The following OGFOD3 variants were observed in gnomAD, a reference collection of about 807,000 sequenced individuals.
OGFOD3 encodes 2-oxoglutarate and iron-dependent oxygenase domain-containing protein 3.
A neutral mutation model predicts 39.8 loss-of-function variants in OGFOD3; 35 were observed. That is an observed-to-expected ratio of 0.88 (90% CI 0.67 to 1.17). The LOEUF is 1.17. Ranked by LOEUF, OGFOD3 falls within the 50% of genes most tolerant of loss-of-function variation. The pLI, the probability that OGFOD3 is intolerant of heterozygous loss-of-function variation, is 0.00. For synonymous variants in OGFOD3, 200 were observed against 192.0 expected, an observed-to-expected ratio of 1.04 and a Z score of -0.34; for missense variants, 438 against 454.5, an observed-to-expected ratio of 0.96 and a Z score of 0.33.
At chr17:82,397,637 C>T (rs956239480) in intron 8 of OGFOD3, among the ~76,000 whole-genome samples, 33 of 152,082 alleles carry the variant, frequency 2.2e-4, no homozygotes, top group Non-Finnish European at 4.4e-4. Flanking sequence ...GATGACTGTC[C>T]GCTCGGCAAA....
chr17:82,396,231 T>C (rs112489612), intron 8 of OGFOD3, among the ~76,000 whole-genome samples: 2 of 140,788 alleles, frequency 1.4e-5, no homozygotes, highest in East Asian at 2.0e-4. Context: ...GGTAAACACA[T>C]AGATACACAC....
intron 3 of OGFOD3, among the ~76,000 whole-genome samples, chr17:82,411,206 C>G (rs1020067755): frequency 6.6e-6 from 1 of 151,284 alleles, no homozygotes; most frequent in African/African-American, 2.4e-5. Context: ...GCCACCACAC[C>G]CAGCTAATTT....
rs74001671 is a variant in OGFOD3, at chr17:82,397,730, G to A, written c.823+466C>T. Among the ~76,000 whole-genome samples the A allele has an allele frequency of 8.9e-3, 1,358 of 152,234 alleles. 14 individuals are homozygous for A. The highest frequency in any genetic ancestry group is 0.031 in the African/African-American group (1,280 of 41,534). On this transcript the variant is annotated intron_variant, in intron 8 of 8. Transcript: ENST00000313056. ...CTGGGACTGCAAGGTCCAGTGTGAT[G>A]GGTTCTGAAGCCGGCACCGCAGAGC...
intron 7 of OGFOD3, among the ~76,000 whole-genome samples, chr17:82,400,360 AAGAC>A (rs748802752): frequency 3.0e-4 from 46 of 152,226 alleles, no homozygotes; most frequent in Non-Finnish European, 5.7e-4. Context: ...AGACCAGAGT[AAGAC>A]AGACGTCAAG....
rs544842528 is a variant in OGFOD3 at position 82,417,799 on chromosome 17, G to A, written c.74+613C>T. ...GTCCTCCTGATATTTCTAAACTGACGACTTCAATGTGCAAATCGTCAATAG... is the reference window on the plus strand; with the variant it reads ...GTCCTCCTGATATTTCTAAACTGACAACTTCAATGTGCAAATCGTCAATAG... On this transcript the variant is annotated intron_variant, in intron 1 of 8. Coordinates refer to ENST00000313056, the MANE Select transcript of OGFOD3 (RefSeq NM_024648.3). Among the ~76,000 whole-genome samples, 3 of 152,094 alleles carry A rather than the reference G, an allele frequency of 2.0e-5. No individual in the cohort carries two copies. In the East Asian group the frequency reaches 5.8e-4, roughly 29 times the overall value.
intron 4 of OGFOD3, 92 bp downstream of exon 4, chr17:82,409,276 G>A: frequency 7.4e-7 from 1 of 1,352,214 alleles, no homozygotes; most frequent in Non-Finnish European, 1.1e-6. Context: ...GGCACGCAGG[G>A]AACCCTGCAT....
In OGFOD3 at chr17:82,405,335, G is replaced by C. The variant is rs780631018; in HGVS notation, c.534C>G (p.Phe178Leu). The change falls in exon 6 of 9, where the codon TTC becomes TTG. Residue 178 changes from phenylalanine (F) to leucine (L), a missense_variant. Physicochemically the swap from Phe to Leu is conservative, Grantham distance 22 (BLOSUM62 0). Coordinates refer to ENST00000313056, the MANE Select transcript of OGFOD3 (RefSeq NM_024648.3). ...KIQNIFSEED[F>L]RLYREVRQKV... ...TCACTCCTCCTTACCGGTATAACCG[G>C]AAGTCCTCCTCTGAGAAGATGTTCT... 43 of 1,614,098 alleles carry C rather than the reference G, an allele frequency of 2.7e-5. No individual in the cohort carries two copies. Among genetic ancestry groups the C allele is most frequent in the South Asian group, 2.6e-4 (24 of 91,086 alleles).
Position 82,391,869 on chromosome 17 carries a change from C to A in OGFOD3, c.*529G>T. 1 of 157,720 alleles carries A rather than the reference C, an allele frequency of 6.3e-6. No homozygotes were observed. The highest frequency in any genetic ancestry group is 1.4e-5 in the Non-Finnish European group (1 of 71,430). 9.8% of individuals were successfully genotyped at this position (157,720 alleles called of 1,614,324 possible). A position where few individuals can be genotyped will look rare whatever the true frequency, so the allele number is the denominator to read the frequency against. On this transcript the variant is annotated 3_prime_UTR_variant, in exon 9 of 9. Transcript: ENST00000313056. The surrounding 1 kb of genome is among the most constrained non-coding windows in gnomAD (Gnocchi z 5.1). ...TGTGGGAACGGCAGATGTTCACCTC[C>A]ACCTGAATCCAGCAGAACTCCCACC...
intron 8 of OGFOD3, chr17:82,393,920 GA>G (rs1387395314): frequency 6.6e-6 from 1 of 152,204 alleles, no homozygotes; most frequent in Non-Finnish European, 1.5e-5. Flanking sequence ...TGGGAGGCAG[GA>G]AACCACCCAC....
Position 82,418,361 on chromosome 17 carries a change from C to T in OGFOD3, c.74+51G>A, listed in dbSNP as rs1290900100. The T allele has an allele frequency of 6.2e-6, 8 of 1,291,042 alleles. No homozygotes were observed. The African/African-American group carries it at 1.3e-4, about 20-fold the overall frequency. The allele number at this position is 1,291,042 out of a possible 1,614,324, so 80.0% of individuals were successfully genotyped here. A position where few individuals can be genotyped will look rare whatever the true frequency, so the allele number is the denominator to read the frequency against. The stretch of plus-strand genomic sequence containing the variant: ...CCATCAGCCCCAGTCCCGCCCACTC[C>T]ATGGCCCTGTCCGCCGCCGCAGCGC... On this transcript the variant is annotated intron_variant, in intron 1 of 8. Coordinates refer to ENST00000313056, the MANE Select transcript of OGFOD3 (RefSeq NM_024648.3).
rs2052865060 is a variant in OGFOD3 at position 82,406,934 on chromosome 17, C to T, written c.424-452G>A. ...AGGACTTTCTTAAAATCCTCCCAGACCGGCCAGACGTGGTGGCTCACACCT... is the reference window on the plus strand; with the variant it reads ...AGGACTTTCTTAAAATCCTCCCAGATCGGCCAGACGTGGTGGCTCACACCT... On this transcript the variant is annotated intron_variant, in intron 4 of 8. Coordinates refer to ENST00000313056, the MANE Select transcript of OGFOD3 (RefSeq NM_024648.3). The surrounding 1 kb of genome is among the most constrained non-coding windows in gnomAD (Gnocchi z 5.2). Among the ~76,000 whole-genome samples the T allele has an allele frequency of 6.6e-6, 1 of 152,178 alleles. No homozygotes were observed. The highest frequency in any genetic ancestry group is 1.5e-5 in the Non-Finnish European group (1 of 68,042).
rs535848816 is a variant in OGFOD3, at chr17:82,413,044, G to C, written c.305-1514C>G. 2.2e-3 allele frequency among the ~76,000 whole-genome samples: 330 copies of C among 152,324 alleles called. 1 individual carries two copies. Among genetic ancestry groups the C allele is most frequent in the African/African-American group, 7.6e-3 (317 of 41,580 alleles). On this transcript the variant is annotated intron_variant, in intron 2 of 8. Coordinates refer to ENST00000313056, the MANE Select transcript of OGFOD3 (RefSeq NM_024648.3). ...CCAGGAGATAAACAGAGCTCCACTTGGCTGAATATCAGGGAAGGGGGGCTG... is the reference window on the plus strand; with the variant it reads ...CCAGGAGATAAACAGAGCTCCACTTCGCTGAATATCAGGGAAGGGGGGCTG...
intron 1 of OGFOD3, among the ~76,000 whole-genome samples, chr17:82,416,312 A>G (rs1392880299): frequency 6.6e-6 from 1 of 152,220 alleles, no homozygotes; most frequent in South Asian, 2.1e-4. Context: ...AGGATGTTTA[A>G]AAGGGTTTGC....
intron 2 of OGFOD3, among the ~76,000 whole-genome samples, chr17:82,411,973 A>AG (rs1045618990): frequency 1.3e-5 from 2 of 151,294 alleles, no homozygotes; most frequent in Non-Finnish European, 2.9e-5. Context: ...AGGCCACCAG[A>AG]GGGGGGAACC....
intron 4 of OGFOD3, 115 bp downstream of exon 4, chr17:82,409,253 A>C (rs1053459798): frequency 1.9e-6 from 2 of 1,026,084 alleles, no homozygotes; most frequent in East Asian, 2.4e-5. Context: ...GGCAGGCCCC[A>C]CCCACATTTG....
At chr17:82,403,151 G>T (rs183854348) in intron 7 of OGFOD3, among the ~76,000 whole-genome samples, 90 of 152,322 alleles carry the variant, frequency 5.9e-4, no homozygotes, top group Non-Finnish European at 1.1e-3. Flanking sequence ...ATGAGTGGCT[G>T]AGCAGAGACC....
chr17:82,405,332 C>G lies in OGFOD3; in HGVS notation c.537G>C (p.Arg179=). The change falls in exon 6 of 9, where the codon CGG becomes CGC. Residue 179 remains arginine (R), a synonymous_variant. Transcript: ENST00000313056. ...IQNIFSEEDF[R]LYREVRQKVQ... The stretch of plus-strand genomic sequence containing the variant: ...GCCTCACTCCTCCTTACCGGTATAA[C>G]CGGAAGTCCTCCTCTGAGAAGATGT... 1 of 1,613,400 alleles carries G rather than the reference C, an allele frequency of 6.2e-7. No homozygotes were observed. The highest frequency in any genetic ancestry group is 1.3e-5 in the African/African-American group (1 of 75,034).
intron 4 of OGFOD3, among the ~76,000 whole-genome samples, chr17:82,408,143 A>G (rs1000238115): frequency 6.6e-6 from 1 of 152,176 alleles, no homozygotes; most frequent in Non-Finnish European, 1.5e-5. Flanking sequence ...ACTCTGTCTC[A>G]AAAAAAGAAG....
In OGFOD3 at chr17:82,411,464, C is replaced by A; in HGVS notation, c.371G>T (p.Arg124Leu). Residue 124 changes from arginine (R) to leucine (L), a missense_variant, in exon 3 of 9, where the codon CGG (arginine) becomes CTG (leucine). By Grantham distance (102) the Arg-to-Leu change is moderately radical (BLOSUM62 -2). Transcript: ENST00000313056. ...DVVITREEAE[R>L]IRSVAEKGLS... ...AGGGACAGGCGGTTACCTGCGAATC[C>A]GCTCCGCTTCCTCCCTGGTGATGAC... The A allele has an allele frequency of 6.2e-7, 1 of 1,614,088 alleles. No homozygotes were observed.
Sources: gnomAD v4.1 joint callset for allele counts (sites outside exome capture counted in the v4.1 genomes callset) on GRCh38, gnomAD v4.1.1 for gene constraint, Gnocchi (gnomAD v3.1) non-coding constraint, MANE v1.5 for transcripts, NCBI Gene and HGNC (gene_info 2026-07-23, HGNC 2026-07-21) for gene names.